The following NDUFAF6 variants were observed in gnomAD, a reference collection of about 807,000 sequenced individuals.
The protein encoded by NDUFAF6 is NADH dehydrogenase (ubiquinone) complex I, assembly factor 6.
NDUFAF6 carries 45 observed loss-of-function variants against 40.8 expected under a neutral mutation model. The observed-to-expected ratio is 1.10, with a 90% confidence interval of 0.87 to 1.42. NDUFAF6 has a LOEUF of 1.42. Ranked by LOEUF, NDUFAF6 falls within the 40% of genes most tolerant of loss-of-function variation. NDUFAF6 has a pLI of 0.00. For synonymous variants in NDUFAF6, 185 were observed against 155.9 expected, an observed-to-expected ratio of 1.19 and a Z score of -1.39; for missense variants, 435 against 418.5, an observed-to-expected ratio of 1.04 and a Z score of -0.34.
chr8:95,090,480 C>G (rs370950678), intron 2 of NDUFAF6, among the ~76,000 whole-genome samples: 11 of 152,242 alleles, frequency 7.2e-5, no homozygotes, highest in African/African-American at 2.6e-4. Flanking sequence ...TTCTTGGAGA[C>G]TTGAGATTCT....
chr8:94,909,382 A>AAAC (rs1563700299), intron 1 of NDUFAF6, among the ~76,000 whole-genome samples: 6 of 58,092 alleles, frequency 1.0e-4, no homozygotes, highest in African/African-American at 3.4e-4. Context: ...AAAAAAAAAA[A>AAAC]CACTTCGGGA....
intron 4 of NDUFAF6, chr8:95,044,451 CTTTTTTTTT>C (rs71273446): frequency 1.7e-4 from 21 of 123,710 alleles, no homozygotes; most frequent in African/African-American, 6.6e-4. Context: ...ATGTCATTTT[CTTTTTTTTT>C]TTTTTTTTTG....
downstream of NDUFAF6, among the ~76,000 whole-genome samples, chr8:95,105,068 GA>G (rs1809790255): frequency 1.3e-4 from 1 of 7,834 alleles, no homozygotes; most frequent in Non-Finnish European, 2.9e-4. Flanking sequence ...CACACACACA[GA>G]GAGAGAGAGA....
At chr8:95,005,455 G>T (rs910319533) in intron 2 of NDUFAF6, among the ~76,000 whole-genome samples, 2 of 147,896 alleles carry the variant, frequency 1.4e-5, no homozygotes, top group Non-Finnish European at 3.0e-5. Context: ...TACAACTTGT[G>T]CCATCATTAT....
intron 1 of NDUFAF6, among the ~76,000 whole-genome samples, chr8:94,898,015 G>C (rs1015510064): frequency 6.6e-6 from 1 of 152,074 alleles, no homozygotes; most frequent in East Asian, 1.9e-4. Context: ...TAAATACCAG[G>C]CTTTTAAAAA....
intron 3 of NDUFAF6, among the ~76,000 whole-genome samples, chr8:95,039,573 G>A (rs1425956466): frequency 4.6e-5 from 7 of 151,160 alleles, no homozygotes; most frequent in Non-Finnish European, 8.8e-5. Context: ...CCACCGCCCC[G>A]GCCTAATATT....
chr8:95,058,279 A>C lies in NDUFAF6; in HGVS notation c.*342A>C. Reference sequence around the variant, plus strand: ...GAAGGAATGTCATTCTCCCTTCACCACTGGGGAAGGAAAGGGGAAAGGGCT... The same window carrying C: ...GAAGGAATGTCATTCTCCCTTCACCCCTGGGGAAGGAAAGGGGAAAGGGCT... On this transcript the variant is annotated 3_prime_UTR_variant, in exon 9 of 9. Transcript: ENST00000396124. 7.8e-7 allele frequency: 1 copy of C among 1,290,180 alleles called. No homozygotes were observed. Among genetic ancestry groups the C allele is most frequent in the Non-Finnish European group, 9.8e-7 (1 of 1,023,192 alleles). The allele number at this position is 1,290,180 out of a possible 1,614,324, so 79.9% of individuals were successfully genotyped here. A position where few individuals can be genotyped will look rare whatever the true frequency, so the allele number is the denominator to read the frequency against.
At chr8:95,093,393 C>A (rs1809332547) in intron 2 of NDUFAF6, among the ~76,000 whole-genome samples, 1 of 152,080 alleles carries the variant, frequency 6.6e-6, no homozygotes, top group Non-Finnish European at 1.5e-5. Flanking sequence ...GTCTCATTGC[C>A]CCTTGAGCTA....
At chr8:95,022,982 GA>G (rs1827753307), upstream of NDUFAF6, among the ~76,000 whole-genome samples, 1 of 152,124 alleles carries the variant, frequency 6.6e-6, no homozygotes, top group Admixed American at 6.5e-5. Context: ...CTAATCGCAG[GA>G]GTGACATTGG....
At chr8:94,952,960 A>G (rs2131433221) in intron 2 of NDUFAF6, among the ~76,000 whole-genome samples, 1 of 152,384 alleles carries the variant, frequency 6.6e-6, no homozygotes, top group East Asian at 1.9e-4. Flanking sequence ...TGATCGCTTC[A>G]GGCCTAGAGT....
chr8:94,902,979 G>A (rs1378770273), intron 1 of NDUFAF6, among the ~76,000 whole-genome samples: 1 of 152,140 alleles, frequency 6.6e-6, no homozygotes, highest in African/African-American at 2.4e-5. Flanking sequence ...TGGGATTACA[G>A]GCGTGAGCCA....
intron 1 of NDUFAF6, among the ~76,000 whole-genome samples, chr8:95,026,188 C>T (rs538499418): frequency 2.6e-5 from 4 of 152,096 alleles, no homozygotes; most frequent in East Asian, 1.9e-4. Context: ...AATTGTGGGC[C>T]GGCCGCGGTG....
chr8:95,002,832 G>A (rs1475155307), intron 2 of NDUFAF6, among the ~76,000 whole-genome samples: 1 of 152,208 alleles, frequency 6.6e-6, no homozygotes, highest in African/African-American at 2.4e-5. Context: ...AGTCCAGGAG[G>A]GGAGGTGGTG....
At chr8:94,957,391 A>T (rs900423508), upstream of NDUFAF6, among the ~76,000 whole-genome samples, 1 of 152,170 alleles carries the variant, frequency 6.6e-6, no homozygotes, top group African/African-American at 2.4e-5. Context: ...TGGACAGAGG[A>T]AAGGGCTGAA....
At chr8:95,008,685 T>A (rs1167124726) in intron 2 of NDUFAF6, among the ~76,000 whole-genome samples, 1 of 152,054 alleles carries the variant, frequency 6.6e-6, no homozygotes, top group African/African-American at 2.4e-5. Flanking sequence ...TTCTTTGTAT[T>A]TTTAGTAGAG....
chr8:95,012,778 C>T (rs759107024), intron 2 of NDUFAF6, among the ~76,000 whole-genome samples: 4 of 151,992 alleles, frequency 2.6e-5, no homozygotes, highest in South Asian at 4.2e-4. Flanking sequence ...AAGTTATGAT[C>T]GCGCCACTGC....
intron 1 of NDUFAF6, among the ~76,000 whole-genome samples, chr8:94,906,504 C>T (rs1818401062): frequency 6.6e-6 from 1 of 152,182 alleles, no homozygotes. Context: ...CCCTTGGCAA[C>T]AGGGATTGTT....
At chr8:94,996,954 AATTT>A (rs1460858662) in intron 2 of NDUFAF6, among the ~76,000 whole-genome samples, 1 of 152,124 alleles carries the variant, frequency 6.6e-6, no homozygotes, top group African/African-American at 2.4e-5. Context: ...TGAGAAAATG[AATTT>A]CTGTTGTTTA....
chr8:94,985,506 TATATA>T (rs1825807040), intron 2 of NDUFAF6, among the ~76,000 whole-genome samples: 1 of 6,762 alleles, frequency 1.5e-4, no homozygotes, highest in African/African-American at 7.8e-4. Flanking sequence ...TATATATATA[TATATA>T]TATATTTTTT....
Sources: allele counts gnomAD v4.1 joint callset (sites outside exome capture counted in the v4.1 genomes callset), GRCh38; gene constraint gnomAD v4.1.1; transcripts MANE v1.5; gene names NCBI Gene and HGNC (gene_info 2026-07-23, HGNC 2026-07-21).